UBL3: variants seen among roughly 807,000 people sequenced by gnomAD.
UBL3 encodes ubiquitin-like protein 3.
A neutral mutation model predicts 18.4 loss-of-function variants in UBL3; 6 were observed. The observed-to-expected ratio is 0.33, with a 90% confidence interval of 0.18 to 0.64. The LOEUF (loss-of-function observed/expected upper bound fraction) is 0.64, where lower values mean the gene tolerates loss of function less well. UBL3 is among the 30% of genes least tolerant of loss of function. The probability of loss-of-function intolerance (pLI) is 0.76; values close to 1 mark genes in which losing one functional copy is unlikely to be tolerated. For synonymous variants in UBL3, 49 were observed against 46.6 expected, an observed-to-expected ratio of 1.05 and a Z score of -0.21; for missense variants, 109 against 142.9, an observed-to-expected ratio of 0.76 and a Z score of 1.21.
intron 1 of UBL3, among the ~76,000 whole-genome samples, chr13:29,777,642 G>A (rs1039205389): frequency 1.1e-4 from 17 of 151,710 alleles, no homozygotes; most frequent in East Asian, 7.7e-4. Flanking sequence ...TGCAGGTCTC[G>A]TCACTAAACA....
At chr13:29,803,521 C>T (rs964180749) in intron 1 of UBL3, among the ~76,000 whole-genome samples, 16 of 151,798 alleles carry the variant, frequency 1.1e-4, no homozygotes, top group African/African-American at 3.1e-4. Flanking sequence ...TCCATTGGTA[C>T]GCTGTCTCTA....
At chr13:29,780,367 A>AAATAT (rs1359464345) in intron 1 of UBL3, among the ~76,000 whole-genome samples, 9 of 103,298 alleles carry the variant, frequency 8.7e-5, no homozygotes, top group African/African-American at 3.6e-4. Flanking sequence ...AAAAAAAAAA[A>AAATAT]ATATATATAT....
chr13:29,817,732 T>C (rs1878322121), intron 1 of UBL3, among the ~76,000 whole-genome samples: 3 of 152,190 alleles, frequency 2.0e-5, no homozygotes, highest in Admixed American at 2.0e-4. Flanking sequence ...CATGTGTGCA[T>C]GCATGTATAA....
intron 1 of UBL3, among the ~76,000 whole-genome samples, chr13:29,840,868 C>T (rs899035386): frequency 3.3e-5 from 5 of 152,086 alleles, no homozygotes; most frequent in African/African-American, 9.7e-5. Flanking sequence ...CTATCATAAT[C>T]GGTTCAAAAT....
chr13:29,775,325 T>C (rs1051835853), intron 2 of UBL3, among the ~76,000 whole-genome samples: 5 of 152,196 alleles, frequency 3.3e-5, no homozygotes, highest in African/African-American at 1.2e-4. Context: ...ATACGCATTA[T>C]AATAAAAATA....
intron 1 of UBL3, among the ~76,000 whole-genome samples, chr13:29,826,957 C>T (rs146569530): frequency 0.011 from 1,676 of 152,190 alleles, 21 homozygotes; most frequent in Non-Finnish European, 0.017. Context: ...GTAGTCATTC[C>T]GGAGCTTGCT....
rs191543316 is a variant in UBL3, at chr13:29,819,603, T to A, written c.27+29909A>T. On this transcript the variant is annotated intron_variant, in intron 1 of 4. Coordinates refer to ENST00000380680, the MANE Select transcript of UBL3 (RefSeq NM_007106.4). ...TATAATTACTGCTTACTTATGATAATGAATTAAAATACTAGGATACTGCAA... is the reference window on the plus strand; with the variant it reads ...TATAATTACTGCTTACTTATGATAAAGAATTAAAATACTAGGATACTGCAA... 2.6e-5 allele frequency among the ~76,000 whole-genome samples: 4 copies of A among 152,354 alleles called. No individual in the cohort carries two copies. In the East Asian group the frequency reaches 7.7e-4, roughly 29 times the overall value.
chr13:29,811,800 T>C (rs1426687881), intron 1 of UBL3, among the ~76,000 whole-genome samples: 1 of 152,158 alleles, frequency 6.6e-6, no homozygotes, highest in Non-Finnish European at 1.5e-5. Context: ...TAAATATCTT[T>C]AGTGATAAAG....
At chr13:29,838,662 G>A (rs1593677017) in intron 1 of UBL3, among the ~76,000 whole-genome samples, 2 of 152,234 alleles carry the variant, frequency 1.3e-5, no homozygotes, top group South Asian at 4.1e-4. Context: ...TAACAGAGAA[G>A]CTGAGAGAAA....
In UBL3 at chr13:29,840,885, A is replaced by G. The variant is rs1433635588; in HGVS notation, c.27+8627T>C. On this transcript the variant is annotated intron_variant, in intron 1 of 4. Transcript: ENST00000380680. Reference sequence around the variant, plus strand: ...ATCATAATCGGTTCAAAATTATAATACGGTTCTATACTTATTTGCATAGAT... The same window carrying G: ...ATCATAATCGGTTCAAAATTATAATGCGGTTCTATACTTATTTGCATAGAT... 2.0e-5 allele frequency among the ~76,000 whole-genome samples: 3 copies of G among 152,200 alleles called. No homozygotes were observed. In the East Asian group the frequency reaches 5.8e-4, roughly 29 times the overall value.
chr13:29,778,855 T>C (rs930970697), intron 1 of UBL3, among the ~76,000 whole-genome samples: 1 of 152,214 alleles, frequency 6.6e-6, no homozygotes, highest in South Asian at 2.1e-4. Flanking sequence ...TCACATTAGA[T>C]GGAGTGGAAG....
chr13:29,835,120 ATATAAATATATATATATATATATAT>A (rs1878904926), intron 1 of UBL3, among the ~76,000 whole-genome samples: 1 of 26,148 alleles, frequency 3.8e-5, no homozygotes. Flanking sequence ...ATATATATAT[ATATAAATATATATATATATATATAT>A]ATATATATAT....
In UBL3 at chr13:29,849,736, CTG is replaced by C. The variant is rs1879321056; in HGVS notation, c.-200_-199del. 1 of 675,964 alleles carries C rather than the reference CTG, an allele frequency of 1.5e-6. No individual in the cohort carries two copies. The highest frequency in any genetic ancestry group is 2.7e-5 in the East Asian group (1 of 36,670). 41.9% of individuals were successfully genotyped at this position (675,964 alleles called of 1,614,324 possible). On this transcript the variant is annotated 5_prime_UTR_variant, in exon 1 of 5. Transcript: ENST00000380680. ...TTCGAAGAGGAACAATCCCCAGGAG[CTG>C]TGTGGCCGGAGCAGGAGGAAACTCC...
At chr13:29,845,290 A>G (rs1879201600) in intron 1 of UBL3, among the ~76,000 whole-genome samples, 1 of 152,102 alleles carries the variant, frequency 6.6e-6, no homozygotes, top group Admixed American at 6.5e-5. Context: ...GTAAAAATTC[A>G]GAGAAACATT....
intron 2 of UBL3, among the ~76,000 whole-genome samples, chr13:29,774,519 A>G (rs1876930337): frequency 6.6e-6 from 1 of 152,150 alleles, no homozygotes; most frequent in Admixed American, 6.5e-5. Context: ...CTGGCTATAA[A>G]GAATAGCCAA....
rs1444049399 is a variant in UBL3, at chr13:29,772,156, A to G, written c.179T>C (p.Leu60Pro). 6.2e-7 allele frequency: 1 copy of G among 1,612,196 alleles called. No individual in the cohort carries two copies. The highest frequency in any genetic ancestry group is 8.5e-7 in the Non-Finnish European group (1 of 1,178,774). The change falls in exon 3 of 5, where the codon CTT (leucine) becomes CCT (proline). Residue 60 changes from leucine to proline, a missense_variant. Transcript: ENST00000380680. ...EQVSSPNILR[L>P]IYQGRFLHGN... is the part of the protein sequence containing the mutation. The stretch of plus-strand genomic sequence containing the variant: ...ATGTAGAAATCGTCCTTGATAAATA[A>G]GTCGTAGAATATTTGGACTGCTGAC...
At chr13:29,780,367 A>AAAAAAAAAAATATATAT (rs1359464345) in intron 1 of UBL3, among the ~76,000 whole-genome samples, 18 of 103,302 alleles carry the variant, frequency 1.7e-4, no homozygotes, top group African/African-American at 6.0e-4. Context: ...AAAAAAAAAA[A>AAAAAAAAAAATATATAT]ATATATATAT....
At chr13:29,781,503 C>T (rs928305056) in intron 1 of UBL3, among the ~76,000 whole-genome samples, 3 of 151,978 alleles carry the variant, frequency 2.0e-5, no homozygotes, top group Admixed American at 6.6e-5. Flanking sequence ...AGTACTGTAT[C>T]GGTATGGGCT....
intron 1 of UBL3, among the ~76,000 whole-genome samples, chr13:29,798,881 T>C (rs988844978): frequency 6.6e-6 from 1 of 152,234 alleles, no homozygotes. Flanking sequence ...ATGTGTTGCC[T>C]GCTTACCACG....
Sources: allele counts gnomAD v4.1 joint callset (sites outside exome capture counted in the v4.1 genomes callset), GRCh38; gene constraint gnomAD v4.1.1; transcripts MANE v1.5; gene names NCBI Gene and HGNC (gene_info 2026-07-23, HGNC 2026-07-21).